Variants in CDKN2B-AS1 observed in about 807,000 individuals in gnomAD.
CDKN2B-AS1 encodes CDKN2B and CDKN2A antisense cis and trans regulatory RNA 1, also known as CDKN2B antisense RNA 1 (non-protein coding).
chr9:22,126,517 C>G (rs186688977), intron 4 of CDKN2B-AS1, among the ~76,000 whole-genome samples: 7 of 149,420 alleles, frequency 4.7e-5, no homozygotes, highest in African/African-American at 1.7e-4. Context: ...AAGAGGTGAA[C>G]TAAGCTTTTC....
chr9:22,033,970 A>G (rs914308274), intron 1 of CDKN2B-AS1, among the ~76,000 whole-genome samples: 1 of 152,242 alleles, frequency 6.6e-6, no homozygotes, highest in African/African-American at 2.4e-5. Context: ...AGGTGGCTAC[A>G]GCAGGGTTTG....
chr9:22,097,837 C>T (rs1825337021), intron 4 of CDKN2B-AS1, among the ~76,000 whole-genome samples: 1 of 152,242 alleles, frequency 6.6e-6, no homozygotes, highest in African/African-American at 2.4e-5. Context: ...CCCTTTCAGC[C>T]CTGTTGCAAT....
intron 4 of CDKN2B-AS1, among the ~76,000 whole-genome samples, chr9:22,070,864 T>G (rs1243366980): frequency 6.6e-6 from 1 of 152,188 alleles, no homozygotes; most frequent in East Asian, 1.9e-4. Context: ...AGAGGCATTT[T>G]GTTCAGCATA....
At chr9:22,097,802 G>A (rs1050611368) in intron 4 of CDKN2B-AS1, among the ~76,000 whole-genome samples, 6 of 152,204 alleles carry the variant, frequency 3.9e-5, no homozygotes, top group South Asian at 4.1e-4. Flanking sequence ...TCTCAAGGCA[G>A]TATAAGGAGA....
intron 4 of CDKN2B-AS1, among the ~76,000 whole-genome samples, chr9:22,067,562 A>G (rs1371876336): frequency 6.6e-6 from 1 of 151,898 alleles, no homozygotes; most frequent in Non-Finnish European, 1.5e-5. Context: ...ACACGCACGC[A>G]CACACACACA....
At chr9:22,103,345 G>C (rs1270575140) in intron 4 of CDKN2B-AS1, among the ~76,000 whole-genome samples, 1 of 152,050 alleles carries the variant, frequency 6.6e-6, no homozygotes, top group Non-Finnish European at 1.5e-5. Context: ...TGGCTATTGG[G>C]GCATTGAGAA....
intron 4 of CDKN2B-AS1, among the ~76,000 whole-genome samples, chr9:22,063,165 T>C (rs1456132809): frequency 1.6e-4 from 25 of 152,016 alleles, no homozygotes; most frequent in Admixed American, 1.6e-3. Flanking sequence ...AGAGGATAAC[T>C]GAAGCTATAG....
chr9:22,019,063 G>A (rs1821911010), intron 1 of CDKN2B-AS1, among the ~76,000 whole-genome samples: 1 of 152,206 alleles, frequency 6.6e-6, no homozygotes, highest in East Asian at 1.9e-4. Flanking sequence ...CATGTGGCAA[G>A]CTCTGAGGTG....
Position 22,006,132 on chromosome 9 carries a change from C to A in CDKN2B-AS1, n.29+10971C>A. 1 of 1,611,360 alleles carries A rather than the reference C, an allele frequency of 6.2e-7. No individual in the cohort carries two copies. On this transcript the variant is annotated intron_variant and non_coding_transcript_variant, in intron 1 of 4. Coordinates refer to ENST00000650946, the Ensembl canonical transcript of CDKN2B-AS1. This position sits in a 1 kb window ranked among gnomAD's most constrained non-coding sequence, Gnocchi z 6.4. ...CAGCACCACCAGCGTGTCCAGGAAG[C>A]CCTCCCGGGCAGCATCATGCACCGG...
intron 3 of CDKN2B-AS1, among the ~76,000 whole-genome samples, chr9:22,052,561 C>A (rs1823393024): frequency 2.0e-5 from 3 of 152,130 alleles, no homozygotes; most frequent in Non-Finnish European, 4.4e-5. Context: ...CCAGGCTGCC[C>A]ATGTGGACAT....
intron 4 of CDKN2B-AS1, among the ~76,000 whole-genome samples, chr9:22,068,602 A>T (rs1824162499): frequency 6.6e-6 from 1 of 151,708 alleles, no homozygotes; most frequent in Non-Finnish European, 1.5e-5. Context: ...CCTCTATTGA[A>T]CTCTTTTCCA....
intron 4 of CDKN2B-AS1, among the ~76,000 whole-genome samples, chr9:22,076,759 C>A (rs1174589549): frequency 3.3e-5 from 5 of 152,198 alleles, no homozygotes; most frequent in Non-Finnish European, 4.4e-5. Context: ...GTGGCGCAAT[C>A]TTGGCTCACT....
intron 4 of CDKN2B-AS1, among the ~76,000 whole-genome samples, chr9:22,098,385 C>T (rs1261190048): frequency 6.7e-6 from 1 of 149,476 alleles, no homozygotes; most frequent in Non-Finnish European, 1.5e-5. Flanking sequence ...GAAACTATTA[C>T]TTATAGGGGT....
intron 1 of CDKN2B-AS1, among the ~76,000 whole-genome samples, chr9:22,038,000 C>G (rs1587439913): frequency 6.6e-6 from 1 of 152,114 alleles, no homozygotes; most frequent in East Asian, 1.9e-4. Context: ...TCAAAGCAGT[C>G]TTGCACAAGT....
chr9:22,079,489 C>T, intron 4 of CDKN2B-AS1, among the ~76,000 whole-genome samples: 1 of 124,680 alleles, frequency 8.0e-6, no homozygotes, highest in East Asian at 2.2e-4. Flanking sequence ...CAGAGTGTGA[C>T]AGAGCAAAAC....
intron 1 of CDKN2B-AS1, among the ~76,000 whole-genome samples, chr9:22,034,225 G>A (rs1367637095): frequency 6.6e-6 from 1 of 152,158 alleles, no homozygotes; most frequent in Non-Finnish European, 1.5e-5. Context: ...TATTATTCTG[G>A]TCTATAAATT....
chr9:22,021,217 C>T (rs1200914031), intron 1 of CDKN2B-AS1, among the ~76,000 whole-genome samples: 1 of 151,950 alleles, frequency 6.6e-6, no homozygotes, highest in East Asian at 1.9e-4. Context: ...GTTCTCTGTT[C>T]TGTTCCATTA....
At position 22,006,422 on chromosome 9, in the gene CDKN2B-AS1, C is replaced by CT. The variant is rs1423034823; in HGVS notation, n.29+11264dup. ...TTTCTTCATTTGCTGATGCAATCCA[C>CT]TTTCCCACCCCACCTTCAGGTTATA... On this transcript the variant is annotated intron_variant and non_coding_transcript_variant, in intron 1 of 4. Transcript: ENST00000650946. The surrounding 1 kb of genome is among the most constrained non-coding windows in gnomAD (Gnocchi z 6.4). Among the ~76,000 whole-genome samples, 1 of 152,236 alleles carries CT rather than the reference C, an allele frequency of 6.6e-6. No homozygotes were observed. Among genetic ancestry groups the CT allele is most frequent in the African/African-American group, 2.4e-5 (1 of 41,464 alleles).
rs1014753518 is a variant in CDKN2B-AS1, at chr9:21,996,590, T to C, written n.29+1429T>C. 7.3e-5 allele frequency among the ~76,000 whole-genome samples: 11 copies of C among 151,418 alleles called. No individual in the cohort carries two copies. The highest frequency in any genetic ancestry group is 2.7e-4 in the African/African-American group (11 of 41,388). ...ACTTATGTACTTGTTTACTTGTTTGTTGTGTAGAATGTCAGCTCTATGGGA... is the reference window on the plus strand; with the variant it reads ...ACTTATGTACTTGTTTACTTGTTTGCTGTGTAGAATGTCAGCTCTATGGGA... On this transcript the variant is annotated intron_variant and non_coding_transcript_variant, in intron 1 of 4. Transcript: ENST00000650946. This position sits in a 1 kb window ranked among gnomAD's most constrained non-coding sequence, Gnocchi z 5.4.
Sources: gnomAD v4.1 joint callset for allele counts (sites outside exome capture counted in the v4.1 genomes callset) on GRCh38, gnomAD v4.1.1 for gene constraint, Gnocchi (gnomAD v3.1) non-coding constraint, MANE v1.5 for transcripts, NCBI Gene and HGNC (gene_info 2026-07-23, HGNC 2026-07-21) for gene names.